The following ADAMTS20 variants were observed in gnomAD, a reference collection of about 807,000 sequenced individuals.
ADAMTS20 encodes the protein A disintegrin and metalloproteinase with thrombospondin motifs 20.
A neutral mutation model predicts 260.1 loss-of-function variants in ADAMTS20; 225 were observed. The ratio of observed to expected loss-of-function variants is 0.87; its 90% CI spans 0.78 to 0.97. The LOEUF (loss-of-function observed/expected upper bound fraction) is 0.97. ADAMTS20 is among the 50% of genes least tolerant of loss of function. ADAMTS20 has a pLI of 0.00. For missense variants in ADAMTS20, 2,400 were observed against 2,337.7 expected, an observed-to-expected ratio of 1.03 and a Z score of -0.55; for synonymous variants, 802 against 769.5, an observed-to-expected ratio of 1.04 and a Z score of -0.70.
chr12:43,544,539 G>C (rs915831062), intron 2 of ADAMTS20, among the ~76,000 whole-genome samples: 6 of 152,122 alleles, frequency 3.9e-5, no homozygotes, highest in African/African-American at 1.4e-4. Context: ...ACGTCAACTG[G>C]TACAACAAGG....
chr12:43,384,224 G>A (rs1449509957), intron 29 of ADAMTS20, among the ~76,000 whole-genome samples: 2 of 152,150 alleles, frequency 1.3e-5, no homozygotes, highest in African/African-American at 4.8e-5. Context: ...ATAGTAGACA[G>A]CATCTCAATC....
chr12:43,435,267 T>C (rs565018200), intron 18 of ADAMTS20, among the ~76,000 whole-genome samples: 1 of 152,172 alleles, frequency 6.6e-6, no homozygotes, highest in Non-Finnish European at 1.5e-5. Context: ...TGGAGGAGAA[T>C]GGCAGAGGGA....
chr12:43,450,628 T>C (rs747422382), intron 14 of ADAMTS20, among the ~76,000 whole-genome samples: 3 of 152,116 alleles, frequency 2.0e-5, no homozygotes, highest in Non-Finnish European at 4.4e-5. Context: ...TGAGATAAGG[T>C]AAAAGGTATT....
chr12:43,406,022 A>C lies in ADAMTS20; in HGVS notation c.4285-6789T>G, dbSNP rs549770298. 2.0e-5 allele frequency among the ~76,000 whole-genome samples: 3 copies of C among 152,356 alleles called. No individual in the cohort carries two copies. The South Asian group carries it at 6.2e-4, about 32-fold the overall frequency. On this transcript the variant is annotated intron_variant, in intron 28 of 38. Transcript: ENST00000389420. Reference sequence around the variant, plus strand: ...TTTCGTTTAAGTAAAGGTAAACTTAAGGAAACACACATATTATACATTACA... The same window carrying C: ...TTTCGTTTAAGTAAAGGTAAACTTACGGAAACACACATATTATACATTACA...
chr12:43,451,896 T>C (rs1373045405), intron 14 of ADAMTS20, among the ~76,000 whole-genome samples: 1 of 152,138 alleles, frequency 6.6e-6, no homozygotes, highest in Non-Finnish European at 1.5e-5. Flanking sequence ...AGAATATCAA[T>C]GGTTTCAACG....
At chr12:43,356,398 A>G (rs1364971231) in intron 38 of ADAMTS20, 86 bp downstream of exon 38, 14 of 793,914 alleles carry the variant, frequency 1.8e-5, no homozygotes, top group Non-Finnish European at 2.6e-5. Context: ...ATTTCATATA[A>G]GTTTACATTT....
chr12:43,379,986 CAA>C (rs60877406), intron 31 of ADAMTS20, among the ~76,000 whole-genome samples: 11 of 144,324 alleles, frequency 7.6e-5, no homozygotes, highest in African/African-American at 2.7e-4. Context: ...ACAGACATCA[CAA>C]AAAAAAAAAC....
chr12:43,520,836 TA>T (rs1409322268), intron 3 of ADAMTS20, among the ~76,000 whole-genome samples: 1 of 152,224 alleles, frequency 6.6e-6, no homozygotes, highest in Admixed American at 6.5e-5. Flanking sequence ...TAAAATGTTA[TA>T]AATAGTAGGG....
chr12:43,429,632 A>G lies in ADAMTS20; in HGVS notation c.3474T>C (p.His1158=). 1 of 1,595,410 alleles carries G rather than the reference A, an allele frequency of 6.3e-7. No homozygotes were observed. Among genetic ancestry groups the G allele is most frequent in the Non-Finnish European group, 8.5e-7 (1 of 1,169,992 alleles). Residue 1158 remains histidine (H), a synonymous_variant, in exon 24 of 39, where the codon CAT becomes CAC. Transcript: ENST00000389420. ...ATTCACTTACTGGGGTCCAAGAACC[A>G]TGTCGCCATTGTGCCATCTTTTTTA... ...VLIKKMAQWR[H]GSWTPCSVSC...
intron 28 of ADAMTS20, among the ~76,000 whole-genome samples, chr12:43,415,953 A>G (rs111452977): frequency 2.6e-5 from 4 of 152,210 alleles, no homozygotes; most frequent in African/African-American, 9.6e-5. Flanking sequence ...TGACTTTTTC[A>G]CTCACTGCCC....
intron 3 of ADAMTS20, among the ~76,000 whole-genome samples, chr12:43,529,673 G>A (rs1227917373): frequency 1.3e-5 from 2 of 152,100 alleles, no homozygotes; most frequent in Non-Finnish European, 2.9e-5. Flanking sequence ...TAGGAGGGGG[G>A]TGCGGAATAA....
chr12:43,492,385 A>T, intron 6 of ADAMTS20, 120 bp downstream of exon 6: 1 of 1,236,338 alleles, frequency 8.1e-7, no homozygotes, highest in African/African-American at 1.6e-5. Context: ...GTCTCAAAAA[A>T]AAAAGAAAAA....
intron 15 of ADAMTS20, among the ~76,000 whole-genome samples, chr12:43,445,085 C>T (rs187341842): frequency 6.6e-6 from 1 of 151,868 alleles, no homozygotes; most frequent in Non-Finnish European, 1.5e-5. Flanking sequence ...ATATTTTTTT[C>T]AAGAAAGCAA....
chr12:43,474,516 G>GC (rs1166504601), intron 7 of ADAMTS20, among the ~76,000 whole-genome samples: 18 of 130,724 alleles, frequency 1.4e-4, no homozygotes, highest in African/African-American at 5.3e-4. Context: ...TGATACCAAA[G>GC]CTGGGCAGAG....
chr12:43,531,235 A>C (rs529521419), intron 3 of ADAMTS20, among the ~76,000 whole-genome samples: 1 of 152,214 alleles, frequency 6.6e-6, no homozygotes, highest in Admixed American at 6.5e-5. Flanking sequence ...AACTATATAA[A>C]ATATGTTTCC....
At chr12:43,410,646 G>C (rs1941014026) in intron 28 of ADAMTS20, among the ~76,000 whole-genome samples, 1 of 152,148 alleles carries the variant, frequency 6.6e-6, no homozygotes, top group South Asian at 2.1e-4. Flanking sequence ...CCTATTATTT[G>C]GCAATATGGA....
chr12:43,405,380 T>C (rs1448911187), intron 28 of ADAMTS20, among the ~76,000 whole-genome samples: 2 of 147,426 alleles, frequency 1.4e-5, no homozygotes, highest in African/African-American at 2.5e-5. Context: ...ATCACCCCAC[T>C]GCACTGCAGC....
Position 43,383,919 on chromosome 12 carries a change from C to G in ADAMTS20, c.4511G>C (p.Gly1504Ala). Reference sequence around the variant, plus strand: ...CATTTCTTCAACCACCTGACCAACACCTTTCAGTCTGCAGTATACATCCCT... The same window carrying G: ...CATTTCTTCAACCACCTGACCAACAGCTTTCAGTCTGCAGTATACATCCCT... ...QQRDVYCRLK[G>A]VGQVVEEMCD... Residue 1504 changes from glycine to alanine, a missense_variant, in exon 30 of 39, where the codon GGT becomes GCT. Coordinates refer to ENST00000389420, the MANE Select transcript of ADAMTS20 (RefSeq NM_025003.5). The G allele has an allele frequency of 1.2e-6, 2 of 1,613,936 alleles. No homozygotes were observed. Among genetic ancestry groups the G allele is most frequent in the Non-Finnish European group, 1.7e-6 (2 of 1,179,862 alleles).
chr12:43,356,676 G>C, intron 37 of ADAMTS20, 88 bp from the exon 38 acceptor site: 2 of 837,118 alleles, frequency 2.4e-6, no homozygotes, highest in South Asian at 3.2e-5. Flanking sequence ...AGGGGCAACT[G>C]AATTAATACT....
Sources: allele counts gnomAD v4.1 joint callset (sites outside exome capture counted in the v4.1 genomes callset), GRCh38; gene constraint gnomAD v4.1.1; transcripts MANE v1.5; gene names NCBI Gene and HGNC (gene_info 2026-07-23, HGNC 2026-07-21).